The following PDE4D variants were observed in gnomAD, a reference collection of about 807,000 sequenced individuals.
The protein encoded by PDE4D is phosphodiesterase 4D.
A neutral mutation model predicts 87.4 loss-of-function variants in PDE4D; 24 were observed. The ratio of observed to expected loss-of-function variants is 0.27; its 90% CI spans 0.20 to 0.39. PDE4D has a LOEUF of 0.39. Among genes scored for constraint, PDE4D ranks in the 10% least tolerant of loss-of-function variants. The pLI, the probability that PDE4D is intolerant of heterozygous loss-of-function variation, is 1.00. For synonymous variants in PDE4D, 384 were observed against 383.2 expected (o/e 1.00, Z -0.02); for missense variants, 714 against 1,041.0 (o/e 0.69, Z 4.32).
At chr5:60,006,005 ATTAGGAAATTTT>A (rs1459365622) in intron 2 of PDE4D, among the ~76,000 whole-genome samples, 1 of 152,018 alleles carries the variant, frequency 6.6e-6, no homozygotes, top group African/African-American at 2.4e-5. Context: ...ATAAGAAATT[ATTAGGAAATTTT>A]TTAGGAAAAT....
At chr5:59,689,076 T>G (rs1357087677) in intron 1 of PDE4D, among the ~76,000 whole-genome samples, 2 of 151,934 alleles carry the variant, frequency 1.3e-5, no homozygotes, top group Non-Finnish European at 2.9e-5. Flanking sequence ...AGGCAATAAT[T>G]AATAGCCTAC....
intron 1 of PDE4D, among the ~76,000 whole-genome samples, chr5:59,798,339 G>A (rs902055042): frequency 1.3e-5 from 2 of 150,426 alleles, no homozygotes; most frequent in African/African-American, 2.4e-5. Flanking sequence ...TTTAGTCATC[G>A]TACCCACATG....
intron 3 of PDE4D, among the ~76,000 whole-genome samples, chr5:59,934,972 C>T (rs572856133): frequency 2.3e-4 from 35 of 152,096 alleles, no homozygotes; most frequent in Non-Finnish European, 4.4e-4. Context: ...TTTATTCCAC[C>T]GTAAATATAA....
At chr5:59,912,430 T>G (rs1753552234) in intron 3 of PDE4D, among the ~76,000 whole-genome samples, 1 of 152,232 alleles carries the variant, frequency 6.6e-6, no homozygotes, top group African/African-American at 2.4e-5. Context: ...AAAGTAAGAC[T>G]GCACTTGGTG....
chr5:58,975,903 A>G lies in PDE4D; in HGVS notation c.1831-64T>C, dbSNP rs539460551. The stretch of plus-strand genomic sequence containing the variant: ...CTTTTTTTTAAAAAAAAAAACAAAA[A>G]AAACTAGAAATTCACATTGGATGAC... On this transcript the variant is annotated intron_variant, in intron 13 of 14. Coordinates refer to ENST00000340635, the MANE Select transcript of PDE4D (RefSeq NM_001104631.2). This position sits in a 1 kb window ranked among gnomAD's most constrained non-coding sequence, Gnocchi z 4.2. 203 of 1,233,356 alleles carry G rather than the reference A, an allele frequency of 1.6e-4. 1 individual carries two copies. In the African/African-American group the frequency reaches 2.9e-3, roughly 18 times the overall value. 76.4% of individuals were successfully genotyped at this position (1,233,356 alleles called of 1,614,324 possible). A position where few individuals can be genotyped will look rare whatever the true frequency, so the allele number is the denominator to read the frequency against.
At chr5:59,707,886 C>A (rs1314386506) in intron 1 of PDE4D, among the ~76,000 whole-genome samples, 1 of 152,026 alleles carries the variant, frequency 6.6e-6, no homozygotes, top group Non-Finnish European at 1.5e-5. Flanking sequence ...TGATTCCATG[C>A]CTTGCTATTG....
chr5:60,396,090 A>G (rs1029699805), intron 1 of PDE4D, among the ~76,000 whole-genome samples: 1 of 152,212 alleles, frequency 6.6e-6, no homozygotes, highest in Non-Finnish European at 1.5e-5. Context: ...GTGCACTGGT[A>G]CAGGGCTACA....
rs1278542473 is a variant in PDE4D at position 60,279,844 on chromosome 5, C to G, written c.-89-94157G>C. 2.0e-5 allele frequency among the ~76,000 whole-genome samples: 3 copies of G among 152,024 alleles called. No individual in the cohort carries two copies. In the South Asian group the frequency reaches 6.3e-4, roughly 32 times the overall value. On this transcript the variant is annotated intron_variant, in intron 1 of 16. Coordinates refer to the PDE4D transcript ENST00000502484. ...CTACAGACACTGCCACGATGCCTGG[C>G]TAATTTTTTGTGTTTTTAGTAGAGA...
chr5:59,790,350 C>G (rs968177291), intron 1 of PDE4D, among the ~76,000 whole-genome samples: 3 of 152,116 alleles, frequency 2.0e-5, no homozygotes, highest in African/African-American at 4.8e-5. Flanking sequence ...TATTTAAGAC[C>G]AAAGGCACAT....
chr5:59,084,261 T>C (rs967867215), intron 5 of PDE4D, among the ~76,000 whole-genome samples: 14 of 151,908 alleles, frequency 9.2e-5, no homozygotes, highest in African/African-American at 3.4e-4. Context: ...ATTCTGACAA[T>C]TTAGAAAATC....
chr5:60,028,559 C>T (rs1457930793), intron 2 of PDE4D, among the ~76,000 whole-genome samples: 3 of 152,178 alleles, frequency 2.0e-5, no homozygotes, highest in African/African-American at 4.8e-5. Flanking sequence ...CAACTCAAAA[C>T]CTTTCATGGT....
chr5:59,755,290 A>G (rs1319107022), intron 1 of PDE4D, among the ~76,000 whole-genome samples: 1 of 152,078 alleles, frequency 6.6e-6, no homozygotes, highest in East Asian at 1.9e-4. Context: ...ACTTGAATCT[A>G]TTTTGCCTTG....
At chr5:60,326,855 T>C (rs1446834798) in intron 1 of PDE4D, among the ~76,000 whole-genome samples, 1 of 152,182 alleles carries the variant, frequency 6.6e-6, no homozygotes, top group Non-Finnish European at 1.5e-5. Context: ...TTAGATTGCA[T>C]TGACATTAAA....
chr5:59,326,752 G>A (rs559137198), intron 1 of PDE4D, among the ~76,000 whole-genome samples: 36 of 152,116 alleles, frequency 2.4e-4, no homozygotes, highest in Middle Eastern at 3.4e-3. Context: ...ATATTATTTC[G>A]AAATAGATGT....
chr5:59,179,964 G>A (rs1281399437), intron 5 of PDE4D, among the ~76,000 whole-genome samples: 1 of 152,110 alleles, frequency 6.6e-6, no homozygotes, highest in African/African-American at 2.4e-5. Flanking sequence ...AGACTAATAG[G>A]AATTGAGATA....
At chr5:59,149,963 C>A (rs749130968) in intron 5 of PDE4D, among the ~76,000 whole-genome samples, 19 of 152,046 alleles carry the variant, frequency 1.2e-4, no homozygotes, top group Non-Finnish European at 2.1e-4. Flanking sequence ...GCCATGGCTA[C>A]ACAAGAGGCC....
intron 1 of PDE4D, among the ~76,000 whole-genome samples, chr5:59,243,933 G>T (rs988535442): frequency 1.1e-4 from 17 of 152,024 alleles, no homozygotes; most frequent in Non-Finnish European, 2.5e-4. Flanking sequence ...AAGATGCTTA[G>T]TGAACCACTA....
At chr5:59,741,046 C>T (rs1211489479) in intron 1 of PDE4D, among the ~76,000 whole-genome samples, 5 of 152,052 alleles carry the variant, frequency 3.3e-5, no homozygotes, top group African/African-American at 1.2e-4. Context: ...ACAAAACAAA[C>T]AAACAAAAAC....
intron 1 of PDE4D, among the ~76,000 whole-genome samples, chr5:59,274,477 C>T (rs1764429190): frequency 6.6e-6 from 1 of 152,120 alleles, no homozygotes; most frequent in African/African-American, 2.4e-5. Context: ...TTCTCAACCA[C>T]CTCACTTCAA....
Sources: allele counts gnomAD v4.1 joint callset (sites outside exome capture counted in the v4.1 genomes callset), GRCh38; gene constraint gnomAD v4.1.1; non-coding constraint Gnocchi (gnomAD v3.1); transcripts MANE v1.5; gene names NCBI Gene and HGNC (gene_info 2026-07-23, HGNC 2026-07-21).